Variants in SCO1 observed in about 807,000 individuals in gnomAD.
SCO1 encodes the protein synthesis of cytochrome C oxidase 1, also known as cytochrome c oxidase assembly factor SCO1.
A neutral mutation model predicts 34.0 loss-of-function variants in SCO1; 23 were observed. That is an observed-to-expected ratio of 0.68 (90% CI 0.49 to 0.96). The LOEUF (loss-of-function observed/expected upper bound fraction) is 0.96. Ranked by LOEUF, SCO1 falls within the 40% of genes least tolerant of loss-of-function variation. The pLI, the probability that SCO1 is intolerant of heterozygous loss-of-function variation, is 0.00. For synonymous variants in SCO1, 161 were observed against 145.5 expected (o/e 1.11, Z -0.77); for missense variants, 404 against 381.6 (o/e 1.06, Z -0.49).
rs567625247 is a variant in SCO1, at chr17:10,684,154, T to TA, written c.771+2572dup. Among the ~76,000 whole-genome samples the TA allele has an allele frequency of 1.7e-3, 255 of 152,362 alleles. 6 individuals are homozygous for TA. In the South Asian group the frequency reaches 0.047, roughly 28 times the overall value. The stretch of plus-strand genomic sequence containing the variant: ...GTATTTCTCAAAATGGGGCCAAAGA[T>TA]ACATTCTACAAGGTCCAAGAAGTTT... On this transcript the variant is annotated intron_variant, in intron 5 of 5. Transcript: ENST00000255390.
Position 10,677,129 on chromosome 17 carries a change from A to C in SCO1, c.*3990T>G, listed in dbSNP as rs1054638602. 8 of 152,324 alleles carry C rather than the reference A, an allele frequency of 5.3e-5. No individual in the cohort carries two copies. The highest frequency in any genetic ancestry group is 3.9e-4 in the Admixed American group (6 of 15,290). The allele number at this position is 152,324 out of a possible 1,614,324, so 9.4% of individuals were successfully genotyped here. A position where few individuals can be genotyped will look rare whatever the true frequency, so the allele number is the denominator to read the frequency against. ...CGAGACCAGCCTGACCAACATGGAG[A>C]AACCCGTCTCTACTAAAAATACAAA... On this transcript the variant is annotated 3_prime_UTR_variant, in exon 6 of 6. Transcript: ENST00000255390.
In SCO1 at chr17:10,685,888, T is replaced by C. The variant is rs146895492; in HGVS notation, c.771+839A>G. Among the ~76,000 whole-genome samples, 104 of 152,318 alleles carry C rather than the reference T, an allele frequency of 6.8e-4. No homozygotes were observed. The East Asian group carries it at 0.018, about 26-fold the overall frequency. ...GCCACTATAAGAGAAAAACAGGCAA[T>C]TGAATTATGAGAACAGTGAATATAA... is the stretch of plus-strand genomic sequence containing the variant. On this transcript the variant is annotated intron_variant, in intron 5 of 5. Transcript: ENST00000255390.
intron 4 of SCO1, among the ~76,000 whole-genome samples, chr17:10,690,566 T>TA (rs1382105124): frequency 1.3e-5 from 2 of 152,164 alleles, no homozygotes; most frequent in African/African-American, 4.8e-5. Flanking sequence ...AGAACAAAGA[T>TA]ACCTCACACA....
Position 10,697,392 on chromosome 17 carries a change from A to G in SCO1, c.116T>C (p.Val39Ala). 3 of 1,604,006 alleles carry G rather than the reference A, an allele frequency of 1.9e-6. No homozygotes were observed. Among genetic ancestry groups the G allele is most frequent in the Non-Finnish European group, 2.6e-6 (3 of 1,175,396 alleles). Residue 39 changes from valine (V) to alanine (A), a missense_variant, in exon 1 of 6, where the codon GTC becomes GCC. Val to Ala is a moderately conservative substitution (Grantham distance 64, BLOSUM62 0). Transcript: ENST00000255390. Reference protein sequence around the residue: ...FWGPAEGTARVLLRQFCARQA... With the variant: ...FWGPAEGTARALLRQFCARQA... ...CCGCGCGCAGAACTGCCTCAGCAAG[A>G]CTCTCGCAGTCCCCTCGGCTGGGCC...
Position 10,680,070 on chromosome 17 carries a change from T to G in SCO1, c.*1049A>C, listed in dbSNP as rs1289702055. ...TTTTGGGATTATAGGCATTAGCCAT[T>G]GTGCCAGGCAAGTTATTTCCCCAAA... On this transcript the variant is annotated 3_prime_UTR_variant, in exon 6 of 6. Transcript: ENST00000255390. 6.6e-6 allele frequency: 1 copy of G among 152,300 alleles called. No individual in the cohort carries two copies. The highest frequency in any genetic ancestry group is 2.4e-5 in the African/African-American group (1 of 41,440). 9.4% of individuals were successfully genotyped at this position (152,300 alleles called of 1,614,324 possible).
intron 5 of SCO1, 23 bp downstream of exon 5, chr17:10,686,704 T>C (rs753982272): frequency 2.7e-6 from 4 of 1,458,882 alleles, no homozygotes; most frequent in Non-Finnish European, 2.9e-6. Flanking sequence ...GGTCCATGGG[T>C]TAAAACTGGA....
At position 10,678,237 on chromosome 17, in the gene SCO1, C is replaced by T. The variant is rs775490131; in HGVS notation, c.*2882G>A. 1.3e-5 allele frequency: 2 copies of T among 152,210 alleles called. No individual in the cohort carries two copies. Among genetic ancestry groups the T allele is most frequent in the Admixed American group, 6.5e-5 (1 of 15,274 alleles). 9.4% of individuals were successfully genotyped at this position (152,210 alleles called of 1,614,324 possible). A position where few individuals can be genotyped will look rare whatever the true frequency, so the allele number is the denominator to read the frequency against. On this transcript the variant is annotated 3_prime_UTR_variant, in exon 6 of 6. Coordinates refer to ENST00000255390, the MANE Select transcript of SCO1 (RefSeq NM_004589.4). ...GTTGGATTCACACAGTCACCATAAG[C>T]GCACGATAGCAGCAGAACAAACAGG... is the stretch of plus-strand genomic sequence containing the variant.
In SCO1 at chr17:10,697,277, C is replaced by G. The variant is rs776161556; in HGVS notation, c.231G>C (p.Ser77=). 1.3e-6 allele frequency: 2 copies of G among 1,566,168 alleles called. No homozygotes were observed. Among genetic ancestry groups the G allele is most frequent in the Non-Finnish European group, 1.7e-6 (2 of 1,155,448 alleles). The part of the protein sequence containing the change: ...LSTARPPPPW[S]QKGPGDSTRP... ...GCGTGGAGTCTCCGGGGCCCTTCTGCGACCACGGGGGTGGCGGCCTCGCAG... is the reference window on the plus strand; with the variant it reads ...GCGTGGAGTCTCCGGGGCCCTTCTGGGACCACGGGGGTGGCGGCCTCGCAG... The change falls in exon 1 of 6, where the codon TCG becomes TCC. Residue 77 remains serine, a synonymous_variant. Transcript: ENST00000255390.
chr17:10,682,365 A>T (rs1005417163), intron 5 of SCO1, among the ~76,000 whole-genome samples: 1 of 152,196 alleles, frequency 6.6e-6, no homozygotes, highest in African/African-American at 2.4e-5. Flanking sequence ...AATGTACACC[A>T]AAAGAGCGCC....
In SCO1 at chr17:10,695,763, G is replaced by T. The variant is rs142330047; in HGVS notation, c.342C>A (p.His114Gln). Residue 114 changes from histidine (H) to glutamine (Q), a missense_variant, in exon 2 of 6, where the codon CAC becomes CAA. Coordinates refer to ENST00000255390, the MANE Select transcript of SCO1 (RefSeq NM_004589.4). ...TACTCTCTGCCTTTTCTTTCTTGAC[G>T]TGCTTCATTCCAGCCAGTAAAGCTC... Reference protein sequence around the residue: ...IGGALLAGMKHVKKEKAEKLE... With the variant: ...IGGALLAGMKQVKKEKAEKLE... 4.2e-4 allele frequency: 676 copies of T among 1,612,818 alleles called. No individual in the cohort carries two copies. Among genetic ancestry groups the T allele is most frequent in the Non-Finnish European group, 5.3e-4 (628 of 1,179,132 alleles).
At position 10,697,482 on chromosome 17, in the gene SCO1, C is replaced by G. The variant is rs751482122; in HGVS notation, c.26G>C (p.Gly9Ala). 4 of 1,613,368 alleles carry G rather than the reference C, an allele frequency of 2.5e-6. No homozygotes were observed. Among genetic ancestry groups the G allele is most frequent in the African/African-American group, 2.7e-5 (2 of 74,926 alleles). Residue 9 changes from glycine (G) to alanine (A), a missense_variant, in exon 1 of 6, where the codon GGA (glycine) becomes GCA (alanine). Transcript: ENST00000255390. ...GCCACCCAGAGGCCGCATAACTCGTCCGGGTACTAGGACCAGCATCGCCAT... is the reference window on the plus strand; with the variant it reads ...GCCACCCAGAGGCCGCATAACTCGTGCGGGTACTAGGACCAGCATCGCCAT... MAMLVLVP[G>A]RVMRPLGGQL...
At chr17:10,694,284 A>C (rs1202230020) in intron 2 of SCO1, among the ~76,000 whole-genome samples, 4 of 152,192 alleles carry the variant, frequency 2.6e-5, no homozygotes, top group Non-Finnish European at 5.9e-5. Context: ...AAGCCTGGGA[A>C]ACTGTTACAG....
chr17:10,674,605 A>G lies in SCO1; in HGVS notation c.*6514T>C. The G allele has an allele frequency of 6.4e-6, 1 of 157,110 alleles. No homozygotes were observed. The highest frequency in any genetic ancestry group is 1.4e-5 in the Non-Finnish European group (1 of 71,330). 9.7% of individuals were successfully genotyped at this position (157,110 alleles called of 1,614,324 possible). ...TATTAGCTTTGCTACAAACTTGTAG[A>G]TAATTCACCACTTGGGCCCTTCTTC... On this transcript the variant is annotated 3_prime_UTR_variant, in exon 6 of 6. Coordinates refer to ENST00000255390, the MANE Select transcript of SCO1 (RefSeq NM_004589.4).
chr17:10,686,359 C>T (rs929231106), intron 5 of SCO1, among the ~76,000 whole-genome samples: 2 of 151,896 alleles, frequency 1.3e-5, no homozygotes, highest in Admixed American at 6.6e-5. Flanking sequence ...GAGGCTGAGG[C>T]GGGTAAGGTC....
chr17:10,695,803 G>A lies in SCO1; in HGVS notation c.302C>T (p.Thr101Ile), dbSNP rs1567576844. 1 of 1,613,378 alleles carries A rather than the reference G, an allele frequency of 6.2e-7. No homozygotes were observed. Among genetic ancestry groups the A allele is most frequent in the Non-Finnish European group, 8.5e-7 (1 of 1,179,628 alleles). Reference protein sequence around the residue: ...GPVSWKSLAITFAIGGALLAG... With the variant: ...GPVSWKSLAIIFAIGGALLAG... ...CAGTAAAGCTCCTCCAATAGCAAAT[G>A]TGATTGCTAAAGACTTCCAGGAAAC... is the stretch of plus-strand genomic sequence containing the variant. The change falls in exon 2 of 6, where the codon ACA becomes ATA. Residue 101 changes from threonine to isoleucine, a missense_variant. Thr to Ile is a moderately conservative substitution (Grantham distance 89). Transcript: ENST00000255390.
Position 10,678,653 on chromosome 17 carries a change from T to C in SCO1, c.*2466A>G, listed in dbSNP as rs2074598379. ...GAGAATAGTCTTTTAGTAAGTTCCT[T>C]TCTTGACCAGATTCCTAGGAAAGTC... On this transcript the variant is annotated 3_prime_UTR_variant, in exon 6 of 6. Coordinates refer to ENST00000255390, the MANE Select transcript of SCO1 (RefSeq NM_004589.4). The C allele has an allele frequency of 2.0e-5, 3 of 152,178 alleles. No individual in the cohort carries two copies. Among genetic ancestry groups the C allele is most frequent in the Admixed American group, 2.0e-4 (3 of 15,262 alleles). 9.4% of individuals were successfully genotyped at this position (152,178 alleles called of 1,614,324 possible).
intron 5 of SCO1, 75 bp from the exon 6 acceptor site, chr17:10,681,328 A>T (rs1032465689): frequency 1.3e-5 from 19 of 1,475,210 alleles, no homozygotes; most frequent in African/African-American, 2.8e-5. Flanking sequence ...GTATGCTGCA[A>T]GATAAGAGAA....
intron 3 of SCO1, 134 bp from the exon 4 acceptor site, chr17:10,692,098 GTGAAGA>G: frequency 1.4e-6 from 1 of 714,080 alleles, no homozygotes; most frequent in Non-Finnish European, 2.5e-6. Flanking sequence ...TAACATTCAG[GTGAAGA>G]GGAAGAGGAC....
chr17:10,686,542 A>G (rs768081324), intron 5 of SCO1, among the ~76,000 whole-genome samples, 185 bp downstream of exon 5: 2 of 150,358 alleles, frequency 1.3e-5, no homozygotes, highest in Admixed American at 6.7e-5. Context: ...AGATTGTGCC[A>G]CTGCACTCCA....
Sources: allele counts gnomAD v4.1 joint callset (sites outside exome capture counted in the v4.1 genomes callset), GRCh38; gene constraint gnomAD v4.1.1; transcripts MANE v1.5; gene names NCBI Gene and HGNC (gene_info 2026-07-23, HGNC 2026-07-21).